Variants in ZDHHC11 observed in about 807,000 individuals in gnomAD.
ZDHHC11 encodes zDHHC palmitoyltransferase 11.
A neutral mutation model predicts 51.3 loss-of-function variants in ZDHHC11; 44 were observed. The observed-to-expected ratio is 0.86, with a 90% CI of 0.67 to 1.10. ZDHHC11 has a LOEUF of 1.10. Among genes scored for constraint, ZDHHC11 ranks in the 50% least tolerant of loss-of-function variants. ZDHHC11 has a pLI of 0.00. For synonymous variants in ZDHHC11, 163 were observed against 222.0 expected (o/e 0.73, Z 2.36); for missense variants, 400 against 537.7 (o/e 0.74, Z 2.53).
intron 8 of ZDHHC11, chr5:824,190 G>A (rs571895267): frequency 2.4e-6 from 1 of 419,064 alleles, no homozygotes; most frequent in African/African-American, 2.0e-5. Flanking sequence ...CTGGCGTGGT[G>A]GCTCACGCCT....
intron 1 of ZDHHC11, among the ~76,000 whole-genome samples, chr5:857,063 A>G (rs1342734532): frequency 6.6e-6 from 1 of 152,106 alleles, no homozygotes; most frequent in Non-Finnish European, 1.5e-5. Context: ...ACTCCCACAC[A>G]CACCACACAA....
intron 3 of ZDHHC11, among the ~76,000 whole-genome samples, chr5:845,407 C>A (rs1199192208): frequency 6.6e-6 from 1 of 151,462 alleles, no homozygotes; most frequent in African/African-American, 2.5e-5. Context: ...CAGGATGGGG[C>A]AGAGCCATTC....
At chr5:845,132 T>C (rs1458720267) in intron 3 of ZDHHC11, among the ~76,000 whole-genome samples, 7 of 152,298 alleles carry the variant, frequency 4.6e-5, no homozygotes, top group Admixed American at 4.6e-4. Flanking sequence ...GTCTTCTGGA[T>C]AATCCAGGGG....
chr5:836,653 G>T, intron 6 of ZDHHC11, among the ~76,000 whole-genome samples: 1 of 149,550 alleles, frequency 6.7e-6, no homozygotes, highest in East Asian at 1.9e-4. Context: ...TTTTAAATTA[G>T]TAGTTTAGTC....
At position 846,155 on chromosome 5, in the gene ZDHHC11, C is replaced by G. The variant is rs576350923; in HGVS notation, c.503+1359G>C. 5.3e-3 allele frequency among the ~76,000 whole-genome samples: 794 copies of G among 150,784 alleles called. 48 individuals are homozygous for G. Among genetic ancestry groups the G allele is most frequent in the African/African-American group, 0.018 (731 of 40,600 alleles). ...CCTACCATCTCACGCAGCCTCTGGA[C>G]TCGCTGTGCGGTCATGCAACCTCTC... On this transcript the variant is annotated intron_variant, in intron 3 of 12. Coordinates refer to ENST00000283441, the MANE Select transcript of ZDHHC11 (RefSeq NM_024786.3).
intron 11 of ZDHHC11, among the ~76,000 whole-genome samples, chr5:810,147 C>T (rs1419944521): frequency 2.0e-4 from 6 of 30,574 alleles, no homozygotes; most frequent in Non-Finnish European, 2.9e-4. Flanking sequence ...TGGGAGGCTG[C>T]GTGAGTGCTC....
At chr5:807,976 A>G (rs1384384256) in intron 11 of ZDHHC11, among the ~76,000 whole-genome samples, 1 of 151,118 alleles carries the variant, frequency 6.6e-6, no homozygotes, top group Non-Finnish European at 1.5e-5. Context: ...AGCTAAGAGA[A>G]GGCCACAGGC....
chr5:859,190 G>A (rs1455478232), upstream of ZDHHC11, among the ~76,000 whole-genome samples: 1 of 152,088 alleles, frequency 6.6e-6, no homozygotes, highest in African/African-American at 2.4e-5. Flanking sequence ...AAAAAAACAG[G>A]ACGTACTAGG....
chr5:852,053 C>T (rs1747302292), upstream of ZDHHC11, among the ~76,000 whole-genome samples: 5 of 134,600 alleles, frequency 3.7e-5, no homozygotes. Flanking sequence ...GAGACTCCAT[C>T]TCAAAAAAAA....
At chr5:832,767 AAAAAAT>A (rs1251779657) in intron 7 of ZDHHC11, among the ~76,000 whole-genome samples, 5 of 144,438 alleles carry the variant, frequency 3.5e-5, no homozygotes, top group East Asian at 2.0e-4. Flanking sequence ...ATTCCATCTC[AAAAAAT>A]AAAAATAAAA....
intron 3 of ZDHHC11, among the ~76,000 whole-genome samples, 171 bp downstream of exon 3, chr5:847,343 C>A (rs1316637465): frequency 1.3e-5 from 2 of 151,754 alleles, no homozygotes; most frequent in African/African-American, 4.8e-5. Context: ...AGCCCCAGAG[C>A]CAGACAGGAG....
At chr5:812,833 G>A (rs1740271416) in intron 11 of ZDHHC11, among the ~76,000 whole-genome samples, 1 of 151,208 alleles carries the variant, frequency 6.6e-6, no homozygotes, top group Non-Finnish European at 1.5e-5. Flanking sequence ...TGCACATCAT[G>A]AGAGGGTGAA....
chr5:837,494 A>C lies in ZDHHC11; in HGVS notation c.785-14T>G. On this transcript the variant is annotated splice_polypyrimidine_tract_variant and intron_variant, in intron 5 of 12. Coordinates refer to ENST00000283441, the MANE Select transcript of ZDHHC11 (RefSeq NM_024786.3). ...TCTTCTTGGCCTCTGGAAAGGGAAAAGGAGGAACAGGACAAGATACCAGCC... is the reference window on the plus strand; with the variant it reads ...TCTTCTTGGCCTCTGGAAAGGGAAACGGAGGAACAGGACAAGATACCAGCC... 6.2e-7 allele frequency: 1 copy of C among 1,606,022 alleles called. No individual in the cohort carries two copies. Among genetic ancestry groups the C allele is most frequent in the Non-Finnish European group, 8.5e-7 (1 of 1,173,462 alleles).
chr5:817,495 A>G (rs1740962494), intron 10 of ZDHHC11, among the ~76,000 whole-genome samples: 1 of 151,552 alleles, frequency 6.6e-6, no homozygotes, highest in African/African-American at 2.4e-5. Flanking sequence ...AACACACTTG[A>G]AAAAACATAG....
At chr5:860,420 T>C (rs113181242), upstream of ZDHHC11, among the ~76,000 whole-genome samples, 43 of 152,312 alleles carry the variant, frequency 2.8e-4, 2 homozygotes, top group African/African-American at 1.0e-3. This position sits in a 1 kb window ranked among gnomAD's most constrained non-coding sequence, Gnocchi z 4.2. Flanking sequence ...TCCTGACACC[T>C]GCAGGTATTG....
At position 828,743 on chromosome 5, in the gene ZDHHC11, A is replaced by G. The variant is rs546200994; in HGVS notation, c.936-3492T>C. Among the ~76,000 whole-genome samples the G allele has an allele frequency of 8.5e-4, 127 of 150,224 alleles. 1 individual carries two copies. Among genetic ancestry groups the G allele is most frequent in the African/African-American group, 3.0e-3 (123 of 40,628 alleles). ...TGGAAAATTCTCCAAGATACATCATATAATAGGCCACAAAACAAGTTTCAA... is the reference window on the plus strand; with the variant it reads ...TGGAAAATTCTCCAAGATACATCATGTAATAGGCCACAAAACAAGTTTCAA... On this transcript the variant is annotated intron_variant, in intron 7 of 12. Transcript: ENST00000283441.
rs1164730594 is a variant in ZDHHC11 at position 799,990 on chromosome 5, T to G, written c.*7+1110A>C. On this transcript the variant is annotated intron_variant, in intron 12 of 12. Transcript: ENST00000283441. ...AACACTTTTTTTTCTAGAGAACAAT[T>G]TTCACAGGTTTGCTGTCTCTCTGGG... 2.0e-5 allele frequency among the ~76,000 whole-genome samples: 3 copies of G among 151,414 alleles called. No individual in the cohort carries two copies. The East Asian group carries it at 5.8e-4, about 29-fold the overall frequency.
At chr5:803,398 T>TAA (rs1561229231) in intron 11 of ZDHHC11, among the ~76,000 whole-genome samples, 2 of 151,232 alleles carry the variant, frequency 1.3e-5, no homozygotes, top group East Asian at 3.8e-4. Flanking sequence ...TAACTGGTCA[T>TAA]AGAGATAAAG....
intron 3 of ZDHHC11, among the ~76,000 whole-genome samples, chr5:847,214 G>T (rs1409682408): frequency 6.6e-6 from 1 of 151,742 alleles, no homozygotes; most frequent in Non-Finnish European, 1.5e-5. Flanking sequence ...AGAGAAGGCA[G>T]CCCAGCCCAG....
Sources: allele counts gnomAD v4.1 joint callset (sites outside exome capture counted in the v4.1 genomes callset), GRCh38; gene constraint gnomAD v4.1.1; non-coding constraint Gnocchi (gnomAD v3.1); transcripts MANE v1.5; gene names NCBI Gene and HGNC (gene_info 2026-07-23, HGNC 2026-07-21).